The following MARCHF10 variants were observed in gnomAD, a reference collection of about 807,000 sequenced individuals.
The protein encoded by MARCHF10 is probable E3 ubiquitin-protein ligase MARCHF10.
In MARCHF10, 64 loss-of-function variants were observed where a neutral mutation model predicts 76.2. The ratio of observed to expected loss-of-function variants is 0.84; its 90% CI spans 0.69 to 1.03. MARCHF10 has a LOEUF of 1.03. Among genes scored for constraint, MARCHF10 ranks in the 50% least tolerant of loss-of-function variants. The pLI is 0.00. For missense variants in MARCHF10, 875 were observed against 958.0 expected (o/e 0.91, Z 1.14); for synonymous variants, 340 against 357.5 (o/e 0.95, Z 0.55).
At chr17:62,806,802 G>C (rs2093171433) in intron 1 of MARCHF10, 2 of 152,304 alleles carry the variant, frequency 1.3e-5, no homozygotes, top group African/African-American at 4.8e-5. Flanking sequence ...ATGTTTTTCA[G>C]TGCTCTAAAA....
chr17:62,751,882 T>A (rs569032621), intron 4 of MARCHF10, among the ~76,000 whole-genome samples: 11 of 152,070 alleles, frequency 7.2e-5, no homozygotes, highest in African/African-American at 2.7e-4. Context: ...TAGCCGGGCA[T>A]GGTGGCGCAT....
At chr17:62,757,582 G>A (rs1255496883) in intron 4 of MARCHF10, among the ~76,000 whole-genome samples, 2 of 152,140 alleles carry the variant, frequency 1.3e-5, no homozygotes, top group African/African-American at 2.4e-5. Flanking sequence ...TTAACACATC[G>A]ATGCTTTGTT....
chr17:62,795,056 G>C lies in MARCHF10; in HGVS notation c.91-6457C>G, dbSNP rs573861631. The C allele has an allele frequency of 2.8e-5, 28 of 985,188 alleles. No individual in the cohort carries two copies. In the African/African-American group the frequency reaches 4.9e-4, roughly 17 times the overall value. 61.0% of individuals were successfully genotyped at this position (985,188 alleles called of 1,614,324 possible). Reference sequence around the variant, plus strand: ...GCCAGGAGGAGAATCCCTCACCTCCGTCCCTATGGGAAGAAAAGTTGATTT... The same window carrying C: ...GCCAGGAGGAGAATCCCTCACCTCCCTCCCTATGGGAAGAAAAGTTGATTT... On this transcript the variant is annotated intron_variant, in intron 2 of 10. Coordinates refer to ENST00000311269, the MANE Select transcript of MARCHF10 (RefSeq NM_152598.4).
intron 2 of MARCHF10, among the ~76,000 whole-genome samples, chr17:62,791,454 A>T (rs2092841118): frequency 6.6e-6 from 1 of 152,212 alleles, no homozygotes; most frequent in Non-Finnish European, 1.5e-5. Context: ...TTTTTTGAAA[A>T]TTCTCTCCAA....
At chr17:62,770,831 G>A (rs140516943) in intron 3 of MARCHF10, among the ~76,000 whole-genome samples, 30 of 147,348 alleles carry the variant, frequency 2.0e-4, no homozygotes, top group African/African-American at 6.0e-4. Flanking sequence ...GTGAGCCACC[G>A]CACCTGGTCT....
chr17:62,706,489 G>A (rs60709082), intron 9 of MARCHF10: 8,171 of 152,300 alleles, frequency 0.054, 347 homozygotes, highest in African/African-American at 0.12. Context: ...AAGTTTTTGT[G>A]ACTGTGGACC....
At chr17:62,754,006 T>C (rs1173724444) in intron 4 of MARCHF10, among the ~76,000 whole-genome samples, 2 of 152,230 alleles carry the variant, frequency 1.3e-5, no homozygotes, top group Non-Finnish European at 2.9e-5. Context: ...CCATAGGTAC[T>C]GGATAAACGG....
Position 62,724,992 on chromosome 17 carries a change from G to A in MARCHF10, c.2050C>T (p.Gln684Ter), listed in dbSNP as rs778974687. 22 of 1,611,668 alleles carry A rather than the reference G, an allele frequency of 1.4e-5. No homozygotes were observed. The highest frequency in any genetic ancestry group is 1.9e-5 in the Non-Finnish European group (22 of 1,179,108). The stretch of plus-strand genomic sequence containing the variant: ...TTCAGGCACTCTTGATGAACAAACT[G>A]CAGGCTTCCCACACAGCCGCAAGGC... ...LEPCGCVGSL[Q>*]FVHQECLKKW... Residue 684 changes from glutamine to a stop codon, truncating the protein, a stop_gained, in exon 7 of 11, where the codon CAG becomes TAG. Transcript: ENST00000311269. LOFTEE classifies it high-confidence loss of function.
chr17:62,753,424 A>T (rs2091954086), intron 4 of MARCHF10, among the ~76,000 whole-genome samples: 1 of 152,140 alleles, frequency 6.6e-6, no homozygotes, highest in Admixed American at 6.5e-5. Flanking sequence ...ACAACTTCTG[A>T]AACTCAAATG....
intron 1 of MARCHF10, among the ~76,000 whole-genome samples, chr17:62,806,942 C>T (rs1376874315): frequency 6.6e-6 from 1 of 152,206 alleles, no homozygotes; most frequent in Non-Finnish European, 1.5e-5. Context: ...AGAAAGACAT[C>T]ACTAAAGTTA....
intron 5 of MARCHF10, among the ~76,000 whole-genome samples, chr17:62,740,029 T>C (rs965453020): frequency 1.6e-4 from 24 of 151,054 alleles, no homozygotes; most frequent in African/African-American, 5.6e-4. Flanking sequence ...TCTTTAAAAA[T>C]TCAATCAGAG....
At chr17:62,701,825 C>A in intron 10 of MARCHF10, 67 bp from the exon 11 acceptor site, 2 of 1,597,022 alleles carry the variant, frequency 1.3e-6, no homozygotes, top group Non-Finnish European at 8.6e-7. Context: ...ACAGGGGGCA[C>A]GGCACTGCTG....
intron 2 of MARCHF10, among the ~76,000 whole-genome samples, chr17:62,789,121 T>A (rs1251193007): frequency 6.7e-6 from 1 of 148,632 alleles, no homozygotes; most frequent in East Asian, 2.0e-4. Flanking sequence ...TAGCCATTAC[T>A]TTAATAAATT....
At chr17:62,759,702 C>G in intron 4 of MARCHF10, 133 bp downstream of exon 4, 1 of 846,590 alleles carries the variant, frequency 1.2e-6, no homozygotes, top group Non-Finnish European at 1.8e-6. Context: ...GACTCCTGAC[C>G]TCAAGTGATC....
In MARCHF10 at chr17:62,701,676, C is replaced by T. The variant is rs560559583; in HGVS notation, c.*27G>A. 60 of 1,613,838 alleles carry T rather than the reference C, an allele frequency of 3.7e-5. No homozygotes were observed. The East Asian group carries it at 8.2e-4, about 22-fold the overall frequency. Reference sequence around the variant, plus strand: ...AAGAAGGGCTGGCGGGAGAGGTCTCCGCCGAGCTCCACAGTTGGCTTCCTT... The same window carrying T: ...AAGAAGGGCTGGCGGGAGAGGTCTCTGCCGAGCTCCACAGTTGGCTTCCTT... On this transcript the variant is annotated 3_prime_UTR_variant, in exon 11 of 11. Transcript: ENST00000311269.
At chr17:62,772,842 A>G (rs2148020286) in intron 3 of MARCHF10, among the ~76,000 whole-genome samples, 1 of 152,306 alleles carries the variant, frequency 6.6e-6, no homozygotes, top group Non-Finnish European at 1.5e-5. Flanking sequence ...AGATATTTTC[A>G]CATCTCATTA....
rs1395063720 is a variant in MARCHF10 at position 62,738,218 on chromosome 17, T to C, written c.536-886A>G. The stretch of plus-strand genomic sequence containing the variant: ...CCAAGATCCTATTTCCAGTAAGTGA[T>C]GGAATGAACATTTGAACCCACGCCT... On this transcript the variant is annotated intron_variant, in intron 5 of 10. Coordinates refer to ENST00000311269, the MANE Select transcript of MARCHF10 (RefSeq NM_152598.4). The surrounding 1 kb of genome is among the most constrained non-coding windows in gnomAD (Gnocchi z 4.0). Among the ~76,000 whole-genome samples, 3 of 152,150 alleles carry C rather than the reference T, an allele frequency of 2.0e-5. No individual in the cohort carries two copies. The highest frequency in any genetic ancestry group is 4.4e-5 in the Non-Finnish European group (3 of 68,034).
At chr17:62,721,540 A>G (rs2090488656) in intron 8 of MARCHF10, among the ~76,000 whole-genome samples, 2 of 152,168 alleles carry the variant, frequency 1.3e-5, no homozygotes, top group Non-Finnish European at 2.9e-5. Context: ...CAAAAGTGGC[A>G]AAACTGCAAT....
At chr17:62,746,715 A>C (rs2091717635) in intron 4 of MARCHF10, 1 of 602,878 alleles carries the variant, frequency 1.7e-6, no homozygotes. Context: ...CAAGTCTAGA[A>C]GGTCAGGACC....
Sources: allele counts gnomAD v4.1 joint callset (sites outside exome capture counted in the v4.1 genomes callset), GRCh38; gene constraint gnomAD v4.1.1; non-coding constraint Gnocchi (gnomAD v3.1); transcripts MANE v1.5; gene names NCBI Gene and HGNC (gene_info 2026-07-23, HGNC 2026-07-21).